MYO3A: variants seen among roughly 807,000 people sequenced by gnomAD.
MYO3A encodes myosin IIIA, also known as myosin-IIIa.
MYO3A carries 180 observed loss-of-function variants against 192.7 expected under a neutral mutation model. That is an observed-to-expected ratio of 0.93 (90% CI 0.83 to 1.06). The LOEUF (loss-of-function observed/expected upper bound fraction) is 1.06, where lower values mean the gene tolerates loss of function less well. Among genes scored for constraint, MYO3A ranks in the 50% least tolerant of loss-of-function variants. MYO3A has a pLI of 0.00. For synonymous variants in MYO3A, 628 were observed against 645.3 expected, an observed-to-expected ratio of 0.97 and a Z score of 0.41; for missense variants, 1,896 against 1,905.0, an observed-to-expected ratio of 1.00 and a Z score of 0.09.
At chr10:26,201,135 G>T in intron 32 of MYO3A, 130 bp from the exon 33 acceptor site, 1 of 355,212 alleles carries the variant, frequency 2.8e-6, no homozygotes, top group Non-Finnish European at 5.1e-6. Context: ...TTAAAATATT[G>T]TATCCACTTG....
At chr10:25,991,697 G>A (rs1206088038) in intron 4 of MYO3A, among the ~76,000 whole-genome samples, 1 of 152,168 alleles carries the variant, frequency 6.6e-6, no homozygotes, top group Non-Finnish European at 1.5e-5. Flanking sequence ...TGTATAAGGT[G>A]TAAGGAAGGG....
chr10:26,096,351 C>T, intron 15 of MYO3A, 30 bp from the exon 16 acceptor site: 1 of 1,456,970 alleles, frequency 6.9e-7, no homozygotes. Context: ...TTCTTACTAA[C>T]TACCTTACTG....
At chr10:26,164,184 G>A (rs1016564125) in intron 26 of MYO3A, among the ~76,000 whole-genome samples, 15 of 152,162 alleles carry the variant, frequency 9.9e-5, no homozygotes, top group Non-Finnish European at 1.5e-4. Context: ...ATTTTAAACC[G>A]TCTTTCAACT....
In MYO3A at chr10:26,168,839, A is replaced by T; in HGVS notation, c.3239A>T (p.Glu1080Val). The T allele has an allele frequency of 6.2e-7, 1 of 1,612,182 alleles. No homozygotes were observed. The highest frequency in any genetic ancestry group is 8.5e-7 in the Non-Finnish European group (1 of 1,179,400). Residue 1080 changes from glutamate (E) to valine (V), a missense_variant, in exon 28 of 35, where the codon GAG becomes GTG. By Grantham distance (121) the Glu-to-Val change is moderately radical (BLOSUM62 -2). Coordinates refer to ENST00000642920, the MANE Select transcript of MYO3A (RefSeq NM_017433.5). Reference protein sequence around the residue: ...LCSRRYQKIQEKRKESAIIIQ... With the variant: ...LCSRRYQKIQVKRKESAIIIQ... ...TCAAGAAGATACCAAAAAATACAGG[A>T]GAAAAGGAAAGAAAGCGCTATAATA... is the stretch of plus-strand genomic sequence containing the variant.
At chr10:26,104,014 C>T (rs1455639317) in intron 17 of MYO3A, among the ~76,000 whole-genome samples, 1 of 151,254 alleles carries the variant, frequency 6.6e-6, no homozygotes, top group Non-Finnish European at 1.5e-5. Context: ...TGTTCAGATC[C>T]TTTGCATATT....
intron 31 of MYO3A, 49 bp from the exon 32 acceptor site, chr10:26,193,156 A>T: frequency 7.4e-7 from 1 of 1,346,500 alleles, no homozygotes; most frequent in Non-Finnish European, 1.1e-6. Context: ...ACATCACTTG[A>T]TAATAGTATT....
chr10:26,201,403 A>C, intron 33 of MYO3A, 98 bp downstream of exon 33: 3 of 900,578 alleles, frequency 3.3e-6, no homozygotes, highest in Non-Finnish European at 5.0e-6. Flanking sequence ...ATTTTAGGCC[A>C]GGCGCGGTGG....
chr10:26,013,981 A>T (rs1841826895), intron 6 of MYO3A, among the ~76,000 whole-genome samples: 1 of 152,120 alleles, frequency 6.6e-6, no homozygotes, highest in Non-Finnish European at 1.5e-5. Flanking sequence ...AACAACTTGG[A>T]TGGAGCTGGA....
At chr10:26,111,964 G>T (rs1564560790) in intron 17 of MYO3A, among the ~76,000 whole-genome samples, 1 of 152,104 alleles carries the variant, frequency 6.6e-6, no homozygotes, top group Non-Finnish European at 1.5e-5. Context: ...TTCAGAGTTT[G>T]CTATCTTAGA....
intron 19 of MYO3A, 122 bp downstream of exon 19, chr10:26,125,730 T>A: frequency 1.2e-6 from 1 of 865,768 alleles, no homozygotes. Flanking sequence ...ATTAAATTAT[T>A]AAAATGATAA....
intron 10 of MYO3A, among the ~76,000 whole-genome samples, chr10:26,049,673 C>CTTTTTTTTTTTTTT (rs66467075): frequency 8.7e-5 from 6 of 69,114 alleles, no homozygotes; most frequent in Admixed American, 1.7e-4. Flanking sequence ...TTCTTTCTTT[C>CTTTTTTTTTTTTTT]TTTTTTTTTT....
chr10:25,940,241 A>G (rs959159335), intron 2 of MYO3A, among the ~76,000 whole-genome samples: 2 of 149,952 alleles, frequency 1.3e-5, no homozygotes, highest in African/African-American at 4.9e-5. Flanking sequence ...TGCTTTTTCT[A>G]TGTTTCCTTT....
At position 26,212,037 on chromosome 10, in the gene MYO3A, T is replaced by G; in HGVS notation, c.*74T>G. 1 of 1,558,160 alleles carries G rather than the reference T, an allele frequency of 6.4e-7. No homozygotes were observed. The highest frequency in any genetic ancestry group is 1.2e-5 in the South Asian group (1 of 85,040). On this transcript the variant is annotated 3_prime_UTR_variant, in exon 35 of 35. Transcript: ENST00000642920. ...GGCAGCAGGGGCCAAGCAGGCACTC[T>G]GGGGCTGGCACCAGCAGGCACTGAA...
intron 34 of MYO3A, among the ~76,000 whole-genome samples, chr10:26,206,771 T>A (rs779027940): frequency 6.6e-6 from 1 of 152,220 alleles, no homozygotes; most frequent in Non-Finnish European, 1.5e-5. Context: ...TTTAAGGAAC[T>A]GCCATACTGT....
intron 17 of MYO3A, among the ~76,000 whole-genome samples, chr10:26,101,355 G>T (rs909242356): frequency 4.6e-5 from 7 of 152,086 alleles, no homozygotes; most frequent in African/African-American, 1.7e-4. Context: ...TATCCAATTT[G>T]CCAGTCTGTG....
intron 4 of MYO3A, 121 bp downstream of exon 4, chr10:25,955,129 C>A: frequency 7.1e-7 from 1 of 1,409,770 alleles, no homozygotes; most frequent in Non-Finnish European, 1.0e-6. Flanking sequence ...CCTGACCAGC[C>A]ATGAATGTTG....
At chr10:26,158,384 C>G (rs1841277998) in intron 26 of MYO3A, among the ~76,000 whole-genome samples, 1 of 151,884 alleles carries the variant, frequency 6.6e-6, no homozygotes, top group Non-Finnish European at 1.5e-5. Flanking sequence ...TCCCGACTAG[C>G]TGGGAGTACA....
At chr10:25,988,033 G>A (rs1350207882) in intron 4 of MYO3A, among the ~76,000 whole-genome samples, 1 of 152,160 alleles carries the variant, frequency 6.6e-6, no homozygotes, top group East Asian at 1.9e-4. Context: ...AAAAGGGAAT[G>A]AAATAATGGC....
intron 17 of MYO3A, among the ~76,000 whole-genome samples, chr10:26,113,788 T>C (rs962599407): frequency 1.2e-4 from 18 of 152,184 alleles, no homozygotes; most frequent in African/African-American, 4.3e-4. Flanking sequence ...CTAAACTTTC[T>C]GGTCTAAGCT....
Sources: gnomAD v4.1 joint callset for allele counts (sites outside exome capture counted in the v4.1 genomes callset) on GRCh38, gnomAD v4.1.1 for gene constraint, MANE v1.5 for transcripts, NCBI Gene and HGNC (gene_info 2026-07-23, HGNC 2026-07-21) for gene names.